Variants in CCNB3 observed in about 807,000 individuals in gnomAD.
CCNB3 encodes the protein cyclin B3, also known as G2/mitotic-specific cyclin-B3.
CCNB3 carries 12 observed loss-of-function variants against 68.0 expected under a neutral mutation model. The ratio of observed to expected loss-of-function variants is 0.18; its 90% CI spans 0.11 to 0.29. CCNB3 has a LOEUF of 0.29. Ranked by LOEUF, CCNB3 falls within the 10% of genes least tolerant of loss-of-function variation. The pLI is 1.00. For synonymous variants in CCNB3, 354 were observed against 388.9 expected (o/e 0.91, Z 1.06); for missense variants, 904 against 993.1 (o/e 0.91, Z 1.21).
At chrX:50,305,141 C>T (rs782765032) in intron 5 of CCNB3, among the ~76,000 whole-genome samples, 1 of 111,799 alleles carries the variant, frequency 8.9e-6, no homozygotes, top group East Asian at 2.8e-4. Flanking sequence ...TTGACCCAGC[C>T]ATCCCATTAC....
intron 5 of CCNB3, among the ~76,000 whole-genome samples, chrX:50,302,487 A>G (rs968828643): frequency 9.0e-6 from 1 of 111,720 alleles, no homozygotes; most frequent in African/African-American, 3.3e-5. Flanking sequence ...TGCATACCAA[A>G]CAGTTCACCC....
At chrX:50,207,726 G>C (rs1402887548) in intron 1 of CCNB3, among the ~76,000 whole-genome samples, 7 of 111,769 alleles carry the variant, frequency 6.3e-5, no homozygotes, top group African/African-American at 2.3e-4. Flanking sequence ...TAGCTACTCT[G>C]TTATTTTTTA....
At chrX:50,299,125 T>C (rs1383943048) in intron 5 of CCNB3, among the ~76,000 whole-genome samples, 1 of 111,931 alleles carries the variant, frequency 8.9e-6, no homozygotes, top group South Asian at 3.7e-4. Flanking sequence ...TTTGTGTCTC[T>C]ATTGCCTTCA....
chrX:50,296,057 C>G (rs1258644945), intron 5 of CCNB3, among the ~76,000 whole-genome samples: 1 of 111,770 alleles, frequency 8.9e-6, no homozygotes, highest in Non-Finnish European at 1.9e-5. Context: ...ATTTTGACCT[C>G]AATTCTCTGC....
chrX:50,226,212 T>TTATATATATAGAATATATATATA (rs1935772608), intron 1 of CCNB3, among the ~76,000 whole-genome samples: 715 of 61,388 alleles, frequency 0.012, 29 homozygotes, highest in Middle Eastern at 0.019. Flanking sequence ...ATATATATAT[T>TTATATATATAGAATATATATATA]TATATATATA....
chrX:50,294,834 T>C (rs782683699), intron 4 of CCNB3, 29 bp from the exon 5 acceptor site: 11 of 1,175,281 alleles, frequency 9.4e-6, no homozygotes, highest in Non-Finnish European at 1.3e-5. Context: ...CTTCTTCCCC[T>C]GCCCCCCAAC....
upstream of CCNB3, among the ~76,000 whole-genome samples, chrX:50,203,481 A>G (rs955388234): frequency 1.8e-5 from 2 of 112,207 alleles, no homozygotes; most frequent in South Asian, 3.7e-4. Context: ...CTGTGGACCA[A>G]TATAATTGGG....
At chrX:50,208,315 A>G (rs1280423542) in intron 1 of CCNB3, among the ~76,000 whole-genome samples, 2 of 112,318 alleles carry the variant, frequency 1.8e-5, no homozygotes, top group African/African-American at 3.2e-5. Context: ...CAACCTTTGT[A>G]AGCAGGATTT....
chrX:50,312,574 A>G lies in CCNB3; in HGVS notation c.3365A>G (p.Asp1122Gly). The change falls in exon 7 of 13, where the codon GAT (aspartate) becomes GGT (glycine). Residue 1122 changes from aspartate to glycine, a missense_variant. Asp to Gly is a moderately conservative substitution (Grantham distance 94, BLOSUM62 -1). Coordinates refer to ENST00000376042, the MANE Select transcript of CCNB3 (RefSeq NM_033031.3). The part of the protein sequence containing the change: ...PREDIDEDSS[D>G]PSFNPMYAKE... ...GAAGATATTGATGAGGACAGCAGTG[A>G]TCCAAGTTTCAACCCAATGTATGCC... The G allele has an allele frequency of 8.3e-7, 1 of 1,207,895 alleles. No homozygotes were observed. The highest frequency in any genetic ancestry group is 1.1e-6 in the Non-Finnish European group (1 of 893,132).
chrX:50,208,469 TC>T (rs1219632802), intron 1 of CCNB3, among the ~76,000 whole-genome samples: 1 of 112,110 alleles, frequency 8.9e-6, no homozygotes, highest in African/African-American at 3.2e-5. Context: ...GGAACATCTT[TC>T]CATTTATTTA....
chrX:50,349,849 A>G (rs1923578074), intron 11 of CCNB3, among the ~76,000 whole-genome samples: 1 of 111,767 alleles, frequency 8.9e-6, no homozygotes, highest in Non-Finnish European at 1.9e-5. Flanking sequence ...CACTTGAAAA[A>G]GAGGAGTTCA....
At chrX:50,203,943 T>G (rs1557205104), upstream of CCNB3, among the ~76,000 whole-genome samples, 1 of 111,684 alleles carries the variant, frequency 9.0e-6, no homozygotes, top group Non-Finnish European at 1.9e-5. Flanking sequence ...TTTATAATTA[T>G]GAAATTTCCT....
chrX:50,309,059 G>A lies in CCNB3; in HGVS notation c.890G>A (p.Cys297Tyr), dbSNP rs782560802. The change falls in exon 6 of 13, where the codon TGC (cysteine) becomes TAC (tyrosine). Residue 297 changes from cysteine (C) to tyrosine (Y), a missense_variant. Transcript: ENST00000376042. ...KKKCTIYGKICHFRKPPVLQT... is the reference protein window; with the variant it reads ...KKKCTIYGKIYHFRKPPVLQT... ...AAATGTACCATTTATGGGAAGATAT[G>A]CCACTTTAGGAAGCCACCAGTATTG... The A allele has an allele frequency of 8.3e-7, 1 of 1,210,768 alleles. No individual in the cohort carries two copies. Among genetic ancestry groups the A allele is most frequent in the Non-Finnish European group, 1.1e-6 (1 of 894,862 alleles).
intron 9 of CCNB3, among the ~76,000 whole-genome samples, chrX:50,345,754 A>G (rs782203444): frequency 9.0e-6 from 1 of 111,647 alleles, no homozygotes; most frequent in East Asian, 2.8e-4. Flanking sequence ...GACAGTAGCC[A>G]TTGCACAGAG....
At chrX:50,287,822 T>A (rs1024784830) in intron 3 of CCNB3, among the ~76,000 whole-genome samples, 3 of 110,809 alleles carry the variant, frequency 2.7e-5, no homozygotes, top group Non-Finnish European at 5.7e-5. Context: ...GGAACCCAAC[T>A]GTACAGCAGG....
At chrX:50,227,233 A>AAT (rs1293145026) in intron 1 of CCNB3, among the ~76,000 whole-genome samples, 3 of 80,104 alleles carry the variant, frequency 3.7e-5, no homozygotes, top group African/African-American at 9.7e-5. Context: ...TATATATATA[A>AAT]ATATATATAT....
chrX:50,347,654 C>G lies in CCNB3; in HGVS notation c.3839C>G (p.Thr1280Ser). 1 of 1,210,446 alleles carries G rather than the reference C, an allele frequency of 8.3e-7. No homozygotes were observed. Among genetic ancestry groups the G allele is most frequent in the Non-Finnish European group, 1.1e-6 (1 of 895,028 alleles). Reference protein sequence around the residue: ...RCIHTNMKTLTLSRYICEMTL... With the variant: ...RCIHTNMKTLSLSRYICEMTL... ...ATCCACACCAACATGAAGACACTGA[C>G]CTTGTCCCGCTACATCTGCGAGATG... The change falls in exon 11 of 13, where the codon ACC becomes AGC. Residue 1280 changes from threonine to serine, a missense_variant. By Grantham distance (58) the Thr-to-Ser change is moderately conservative (BLOSUM62 1). This residue lies in a region of CCNB3 where 285 missense variants were observed against 383.4 expected (regional missense o/e 0.74). Transcript: ENST00000376042.
intron 8 of CCNB3, among the ~76,000 whole-genome samples, chrX:50,336,968 AT>A (rs781932679): frequency 1.3e-3 from 145 of 111,849 alleles, no homozygotes; most frequent in African/African-American, 4.7e-3. Flanking sequence ...GAGCAAGTCA[AT>A]TAAAGCTTGA....
chrX:50,226,842 T>A (rs1277201341), intron 1 of CCNB3, among the ~76,000 whole-genome samples: 1,971 of 72,439 alleles, frequency 0.027, 197 homozygotes, highest in African/African-American at 0.12. Flanking sequence ...ATATATATAG[T>A]ATATATATAG....
Sources: gnomAD v4.1 joint callset for allele counts (sites outside exome capture counted in the v4.1 genomes callset) on GRCh38, gnomAD v4.1.1 for gene constraint, gnomAD v4.1.1 regional missense constraint, MANE v1.5 for transcripts, NCBI Gene and HGNC (gene_info 2026-07-23, HGNC 2026-07-21) for gene names.